The following CTNNA2 variants were observed in gnomAD, a reference collection of about 807,000 sequenced individuals.
CTNNA2 encodes the protein catenin alpha-2.
In CTNNA2, 42 loss-of-function variants were observed where a neutral mutation model predicts 101.0. That is an observed-to-expected ratio of 0.42 (90% CI 0.32 to 0.54). CTNNA2 has a LOEUF of 0.54. Among genes scored for constraint, CTNNA2 ranks in the 20% least tolerant of loss-of-function variants. The pLI, the probability that CTNNA2 is intolerant of heterozygous loss-of-function variation, is 0.14. For synonymous variants in CTNNA2, 450 were observed against 456.4 expected (o/e 0.99, Z 0.18); for missense variants, 871 against 1,223.1 (o/e 0.71, Z 4.29).
chr2:80,425,702 T>G (rs1443374680), intron 9 of CTNNA2, among the ~76,000 whole-genome samples: 1 of 152,192 alleles, frequency 6.6e-6, no homozygotes, highest in Non-Finnish European at 1.5e-5. Flanking sequence ...GCTATCTATT[T>G]TATGGGTTTT....
chr2:80,027,702 C>T (rs1453895084), intron 7 of CTNNA2, among the ~76,000 whole-genome samples: 2 of 152,006 alleles, frequency 1.3e-5, no homozygotes, highest in African/African-American at 2.4e-5. Flanking sequence ...TGCCGTGGCT[C>T]GTGCCTGTAA....
intron 2 of CTNNA2, among the ~76,000 whole-genome samples, chr2:79,240,563 T>C (rs535706828): frequency 2.0e-5 from 3 of 152,326 alleles, no homozygotes; most frequent in East Asian, 3.9e-4. Context: ...GTTTTTATTT[T>C]GTTAATCTAC....
At chr2:79,606,937 A>G (rs2104148411) in intron 1 of CTNNA2, among the ~76,000 whole-genome samples, 1 of 152,356 alleles carries the variant, frequency 6.6e-6, no homozygotes, top group South Asian at 2.1e-4. Flanking sequence ...CTTAAATTTA[A>G]TCATGTCAAC....
intron 7 of CTNNA2, among the ~76,000 whole-genome samples, chr2:80,252,842 G>A (rs992253854): frequency 1.3e-5 from 2 of 152,152 alleles, no homozygotes; most frequent in Admixed American, 6.6e-5. Flanking sequence ...TGCAGGAGGC[G>A]TAATGGGTAG....
At chr2:80,476,207 TAGAGATATCTGAGA>T (rs1450107211) in intron 9 of CTNNA2, among the ~76,000 whole-genome samples, 1 of 152,094 alleles carries the variant, frequency 6.6e-6, no homozygotes, top group Admixed American at 6.6e-5. Flanking sequence ...AACAAATGTG[TAGAGATATCTGAGA>T]AGTCGGGCTG....
intron 6 of CTNNA2, among the ~76,000 whole-genome samples, chr2:79,898,447 T>C (rs1684861090): frequency 1.3e-5 from 2 of 152,074 alleles, no homozygotes; most frequent in Admixed American, 1.3e-4. Context: ...TCTTAGATTA[T>C]ATTGATGCTT....
intron 9 of CTNNA2, among the ~76,000 whole-genome samples, chr2:80,524,243 G>T (rs2149580761): frequency 6.6e-6 from 1 of 152,274 alleles, no homozygotes; most frequent in South Asian, 2.1e-4. Flanking sequence ...GTTCTCATCT[G>T]TAAATTAGGG....
intron 7 of CTNNA2, among the ~76,000 whole-genome samples, chr2:80,063,527 T>C (rs146000254): frequency 5.1e-4 from 77 of 152,382 alleles, no homozygotes; most frequent in Admixed American, 1.3e-3. Flanking sequence ...TGTATCGTAG[T>C]ACCTGTTTAA....
In CTNNA2 at chr2:80,466,996, A is replaced by C. The variant is rs1684912890; in HGVS notation, c.1290+47395A>C. Among the ~76,000 whole-genome samples, 3 of 152,232 alleles carry C rather than the reference A, an allele frequency of 2.0e-5. No individual in the cohort carries two copies. In the South Asian group the frequency reaches 6.2e-4, roughly 32 times the overall value. ...CAAGCCAATGGATAGGATAGACTAG[A>C]TATCATGAAGCATCAGTTTAGCCAA... On this transcript the variant is annotated intron_variant, in intron 9 of 18. Coordinates refer to ENST00000402739, the MANE Select transcript of CTNNA2 (RefSeq NM_001282597.3).
At chr2:79,982,045 T>G (rs966743121) in intron 7 of CTNNA2, among the ~76,000 whole-genome samples, 1 of 151,026 alleles carries the variant, frequency 6.6e-6, no homozygotes, top group African/African-American at 2.4e-5. Context: ...TTTTTGTTTT[T>G]GTTTTTATTT....
rs371573155 is a variant in CTNNA2 at position 80,233,274 on chromosome 2, A to C, written c.1057-159937A>C. Among the ~76,000 whole-genome samples, 14 of 152,332 alleles carry C rather than the reference A, an allele frequency of 9.2e-5. 1 individual carries two copies. Among genetic ancestry groups the C allele is most frequent in the Middle Eastern group, 6.8e-3 (2 of 294 alleles). On this transcript the variant is annotated intron_variant, in intron 7 of 18. Coordinates refer to ENST00000402739, the MANE Select transcript of CTNNA2 (RefSeq NM_001282597.3). The stretch of plus-strand genomic sequence containing the variant: ...AAATGTCTGCTGAGGTGCACAGCAG[A>C]GTGCTCTTCCACAAAGTTGCCCATG...
chr2:79,849,127 C>T (rs1680472476), intron 3 of CTNNA2, among the ~76,000 whole-genome samples: 1 of 152,134 alleles, frequency 6.6e-6, no homozygotes, highest in Non-Finnish European at 1.5e-5. Flanking sequence ...CATCAGACTG[C>T]TGTCATTTTG....
intron 1 of CTNNA2, among the ~76,000 whole-genome samples, chr2:79,595,937 A>G (rs1677162182): frequency 6.7e-6 from 1 of 150,000 alleles, no homozygotes; most frequent in Non-Finnish European, 1.5e-5. Flanking sequence ...TCCCTCTGTG[A>G]GCGTATGACA....
At chr2:79,557,644 G>C (rs1674527266) in intron 1 of CTNNA2, among the ~76,000 whole-genome samples, 2 of 151,808 alleles carry the variant, frequency 1.3e-5, no homozygotes, top group African/African-American at 4.8e-5. Context: ...CTTTAGATTT[G>C]GCTGGCTTTC....
chr2:79,405,045 A>G (rs1678327202), intron 4 of CTNNA2, among the ~76,000 whole-genome samples: 1 of 152,104 alleles, frequency 6.6e-6, no homozygotes, highest in African/African-American at 2.4e-5. Flanking sequence ...GAATATGGCA[A>G]AGATGAAGGA....
chr2:80,449,325 A>G (rs1285134513), intron 9 of CTNNA2, among the ~76,000 whole-genome samples: 1 of 151,680 alleles, frequency 6.6e-6, no homozygotes, highest in Non-Finnish European at 1.5e-5. Context: ...ATAAATAAAT[A>G]CACTAAATAA....
At position 79,334,076 on chromosome 2, in the gene CTNNA2, T is replaced by C. The variant is rs557679127; in HGVS notation, c.-318+21280T>C. Among the ~76,000 whole-genome samples, 22 of 152,226 alleles carry C rather than the reference T, an allele frequency of 1.4e-4. No individual in the cohort carries two copies. The South Asian group carries it at 4.1e-3, about 29-fold the overall frequency. ...TGTCACCTCAAACAGCTATCATGTC[T>C]TTGTGTTGGGGACGTTCAAAATCCA... On this transcript the variant is annotated intron_variant, in intron 3 of 21. Transcript: ENST00000466387.
chr2:80,585,274 G>C (rs1301613710), intron 14 of CTNNA2, among the ~76,000 whole-genome samples: 1 of 152,138 alleles, frequency 6.6e-6, no homozygotes, highest in East Asian at 1.9e-4. Flanking sequence ...TTTTATCAGT[G>C]ATTTTCACTT....
chr2:80,457,450 TAAAA>T (rs1033008901), intron 9 of CTNNA2, among the ~76,000 whole-genome samples: 3 of 152,070 alleles, frequency 2.0e-5, no homozygotes, highest in African/African-American at 7.2e-5. Context: ...TATGTATCAG[TAAAA>T]AAAGAAAGAA....
Sources: gnomAD v4.1 joint callset for allele counts (sites outside exome capture counted in the v4.1 genomes callset) on GRCh38, gnomAD v4.1.1 for gene constraint, MANE v1.5 for transcripts, NCBI Gene and HGNC (gene_info 2026-07-23, HGNC 2026-07-21) for gene names.